The following CEP57L1 variants were observed in gnomAD, a reference collection of about 807,000 sequenced individuals.
CEP57L1 encodes the protein centrosomal protein 57 like 1, also known as centrosomal protein CEP57L1.
Under a neutral mutation model 61.0 loss-of-function variants are expected in CEP57L1, and 37 were observed. The observed-to-expected ratio is 0.61, with a 90% CI of 0.47 to 0.80. The LOEUF is 0.80. Among genes scored for constraint, CEP57L1 ranks in the 30% least tolerant of loss-of-function variants. The probability of loss-of-function intolerance (pLI) is 0.00; values close to 1 mark genes in which losing one functional copy is unlikely to be tolerated. For synonymous variants in CEP57L1, 137 were observed against 162.3 expected (o/e 0.84, Z 1.19); for missense variants, 422 against 524.7 (o/e 0.80, Z 1.91).
intron 1 of CEP57L1, among the ~76,000 whole-genome samples, chr6:109,134,399 G>A (rs910688611): frequency 6.6e-5 from 10 of 152,258 alleles, no homozygotes; most frequent in Non-Finnish European, 1.2e-4. Context: ...ATTAGGTATT[G>A]ATGGGACGTA....
intron 1 of CEP57L1, chr6:109,124,910 G>A (rs1773370160): frequency 1.3e-5 from 2 of 152,172 alleles, no homozygotes; most frequent in South Asian, 4.1e-4. Flanking sequence ...ATGTTTCAGG[G>A]ACTGCCTGGG....
At chr6:109,162,652 A>G in intron 10 of CEP57L1, 97 bp from the exon 11 acceptor site, 1 of 777,884 alleles carries the variant, frequency 1.3e-6, no homozygotes, top group Non-Finnish European at 2.1e-6. Context: ...GTTCAATTTT[A>G]ACTTTTTAAC....
At position 109,146,946 on chromosome 6, in the gene CEP57L1, T is replaced by G. The variant is rs1016736512; in HGVS notation, c.340+9T>G. 2 of 1,597,258 alleles carry G rather than the reference T, an allele frequency of 1.3e-6. No homozygotes were observed. The highest frequency in any genetic ancestry group is 1.7e-6 in the Non-Finnish European group (2 of 1,174,566). On this transcript the variant is annotated intron_variant, in intron 3 of 10. Coordinates refer to ENST00000517392, the MANE Select transcript of CEP57L1 (RefSeq NM_001271852.3). ...GATAAAGCAGAAAAAAGGTAAGAAA[T>G]GCAGTAGTTCTCAGAAACCGGGGGT...
At chr6:109,142,259 TTCC>T (rs1771463402) in intron 1 of CEP57L1, among the ~76,000 whole-genome samples, 1 of 152,128 alleles carries the variant, frequency 6.6e-6, no homozygotes, top group Non-Finnish European at 1.5e-5. Flanking sequence ...GGTACATATA[TTCC>T]ATGGAATACT....
intron 1 of CEP57L1, among the ~76,000 whole-genome samples, chr6:109,132,477 T>C (rs903648144): frequency 2.6e-5 from 4 of 152,230 alleles, no homozygotes; most frequent in African/African-American, 4.8e-5. Context: ...TAGGACATTG[T>C]GTAAATATAC....
intron 1 of CEP57L1, among the ~76,000 whole-genome samples, chr6:109,126,581 A>T (rs534222050): frequency 6.6e-6 from 1 of 152,254 alleles, no homozygotes; most frequent in East Asian, 1.9e-4. Flanking sequence ...TCATGAACTG[A>T]ATAGTCAAGA....
At chr6:109,146,965 C>A in intron 3 of CEP57L1, 28 bp downstream of exon 3, 2 of 1,574,824 alleles carry the variant, frequency 1.3e-6, no homozygotes, top group South Asian at 1.2e-5. Context: ...TCTCAGAAAC[C>A]GGGGGTTACT....
chr6:109,138,008 G>A (rs1292481444), intron 1 of CEP57L1, among the ~76,000 whole-genome samples: 1 of 152,204 alleles, frequency 6.6e-6, no homozygotes, highest in East Asian at 1.9e-4. Context: ...CAGGCAGTGG[G>A]AACCAGAAGT....
Position 109,116,127 on chromosome 6 carries a change from G to GTGTTATGTTATGTTA in CEP57L1, c.-4+20598_-4+20612dup, listed in dbSNP as rs34528428. ...TTTATTTTATTTTATGTTATGTGTTGTGTTATGTTATGTTATGTTATGTTA... is the reference window on the plus strand; with the variant it reads ...TTTATTTTATTTTATGTTATGTGTTGTGTTATGTTATGTTATGTTATGTTATGTTATGTTATGTTA... On this transcript the variant is annotated intron_variant, in intron 1 of 10. Coordinates refer to ENST00000517392, the MANE Select transcript of CEP57L1 (RefSeq NM_001271852.3). Among the ~76,000 whole-genome samples, 139 of 135,474 alleles carry GTGTTATGTTATGTTA rather than the reference G, an allele frequency of 1.0e-3. 1 individual carries two copies. The highest frequency in any genetic ancestry group is 3.0e-3 in the Admixed American group (40 of 13,246). 88.9% of individuals were successfully genotyped at this position (135,474 alleles called of 152,430 possible).
chr6:109,162,513 C>G (rs1450142744), intron 10 of CEP57L1, among the ~76,000 whole-genome samples: 1 of 151,872 alleles, frequency 6.6e-6, no homozygotes, highest in African/African-American at 2.4e-5. Context: ...CTTTTTTTCA[C>G]TAATAGGAGC....
intron 1 of CEP57L1, among the ~76,000 whole-genome samples, chr6:109,125,456 G>A (rs912252390): frequency 6.7e-6 from 1 of 149,170 alleles, no homozygotes; most frequent in African/African-American, 2.5e-5. Context: ...AAGTGGATTT[G>A]TAGCAACTAA....
At chr6:109,114,883 A>G (rs1772100430) in intron 1 of CEP57L1, among the ~76,000 whole-genome samples, 1 of 152,196 alleles carries the variant, frequency 6.6e-6, no homozygotes, top group South Asian at 2.1e-4. Flanking sequence ...TAAATATTTG[A>G]GGTGATGGAT....
At chr6:109,142,799 T>C (rs578218129) in intron 1 of CEP57L1, among the ~76,000 whole-genome samples, 1 of 152,164 alleles carries the variant, frequency 6.6e-6, no homozygotes, top group East Asian at 1.9e-4. Context: ...ATCCTAGAGA[T>C]TGTGATTTAG....
At chr6:109,119,215 A>C (rs148012317) in intron 1 of CEP57L1, among the ~76,000 whole-genome samples, 2 of 152,220 alleles carry the variant, frequency 1.3e-5, no homozygotes, top group African/African-American at 4.8e-5. Context: ...TTCTGCAGTC[A>C]CTGAAGAGTT....
At chr6:109,099,128 G>A (rs528879046) in intron 1 of CEP57L1, among the ~76,000 whole-genome samples, 1 of 152,368 alleles carries the variant, frequency 6.6e-6, no homozygotes, top group African/African-American at 2.4e-5. Flanking sequence ...ACATTGAGAT[G>A]TGGAGGTGGA....
Position 109,169,467 on chromosome 6 carries a change from C to G in CEP57L1, c.*6497C>G, listed in dbSNP as rs1774305945. Among the ~76,000 whole-genome samples, 1 of 152,140 alleles carries G rather than the reference C, an allele frequency of 6.6e-6. No individual in the cohort carries two copies. ...AGTCCCCTGTTATGGATGTGCCAAT[C>G]TATTGTTTATCCCAGAAATATTGTT... is the stretch of plus-strand genomic sequence containing the variant. On this transcript the variant is annotated 3_prime_UTR_variant, in exon 11 of 11. Coordinates refer to ENST00000517392, the MANE Select transcript of CEP57L1 (RefSeq NM_001271852.3).
At chr6:109,101,528 A>G (rs1233616844) in intron 1 of CEP57L1, among the ~76,000 whole-genome samples, 1 of 152,062 alleles carries the variant, frequency 6.6e-6, no homozygotes, top group Non-Finnish European at 1.5e-5. Context: ...TGGGCAAAAA[A>G]TTTTTAACTC....
Position 109,155,825 on chromosome 6 carries a change from T to G in CEP57L1, c.692T>G (p.Met231Arg), listed in dbSNP as rs543011505. The part of the protein sequence containing the change: ...QTGLEISKII[M>R]SSVSNLKHSK... ...GGACTTGAAATCAGTAAAATTATAA[T>G]GTCTTCAGTTTCAAATCTAAAGCAC... is the stretch of plus-strand genomic sequence containing the variant. The change falls in exon 7 of 11, where the codon ATG becomes AGG. Residue 231 changes from methionine to arginine, a missense_variant. Met to Arg is a moderately conservative substitution (Grantham distance 91). Transcript: ENST00000517392. The G allele has an allele frequency of 4.3e-5, 68 of 1,584,086 alleles. 1 individual carries two copies. The East Asian group carries it at 1.1e-3, about 25-fold the overall frequency.
At position 109,170,397 on chromosome 6, in the gene CEP57L1, T is replaced by TTTGTTG. The variant is rs200058274; in HGVS notation, c.*7445_*7450dup. On this transcript the variant is annotated 3_prime_UTR_variant, in exon 11 of 11. Coordinates refer to ENST00000517392, the MANE Select transcript of CEP57L1 (RefSeq NM_001271852.3). ...GGTTCTAAAAAACCTTGAGAGGCATTTTGTTGTTGTTGTTGTTGTTGTTAG... is the reference window on the plus strand; with the variant it reads ...GGTTCTAAAAAACCTTGAGAGGCATTTTGTTGTTGTTGTTGTTGTTGTTGTTGTTAG... Among the ~76,000 whole-genome samples the TTTGTTG allele has an allele frequency of 1.3e-5, 2 of 151,910 alleles. No homozygotes were observed. Among genetic ancestry groups the TTTGTTG allele is most frequent in the Non-Finnish European group, 2.9e-5 (2 of 67,952 alleles).
Sources: gnomAD v4.1 joint callset for allele counts (sites outside exome capture counted in the v4.1 genomes callset) on GRCh38, gnomAD v4.1.1 for gene constraint, MANE v1.5 for transcripts, NCBI Gene and HGNC (gene_info 2026-07-23, HGNC 2026-07-21) for gene names.